The following SLC16A1 variants were observed in gnomAD, a reference collection of about 807,000 sequenced individuals.
SLC16A1 encodes the protein solute carrier family 16 member 1, also known as monocarboxylate transporter 1.
SLC16A1 carries 11 observed loss-of-function variants against 32.2 expected under a neutral mutation model. That is an observed-to-expected ratio of 0.34 (90% CI 0.21 to 0.56). SLC16A1 has a LOEUF of 0.56. Among genes scored for constraint, SLC16A1 ranks in the 20% least tolerant of loss-of-function variants. The probability of loss-of-function intolerance (pLI) is 0.87; values close to 1 mark genes in which losing one functional copy is unlikely to be tolerated. For synonymous variants in SLC16A1, 231 were observed against 226.8 expected (o/e 1.02, Z -0.17); for missense variants, 435 against 615.0 (o/e 0.71, Z 3.10).
intron 1 of SLC16A1, among the ~76,000 whole-genome samples, chr1:112,950,778 C>T (rs1313654680): frequency 6.6e-6 from 1 of 152,178 alleles, no homozygotes; most frequent in Non-Finnish European, 1.5e-5. Context: ...AGGAGGATGG[C>T]TTGGGGCCAG....
intron 1 of SLC16A1, among the ~76,000 whole-genome samples, chr1:112,933,222 C>A (rs1649196427): frequency 6.6e-6 from 1 of 152,092 alleles, no homozygotes; most frequent in Admixed American, 6.5e-5. Flanking sequence ...GTAATCCCAG[C>A]ACTTTGGGAG....
chr1:112,928,163 C>T (rs2101632546), intron 2 of SLC16A1, among the ~76,000 whole-genome samples: 1 of 152,292 alleles, frequency 6.6e-6, no homozygotes, highest in Non-Finnish European at 1.5e-5. Context: ...TCTTCCTAAT[C>T]CTGTTCCCAG....
At chr1:112,947,217 G>A (rs1190779329) in intron 1 of SLC16A1, among the ~76,000 whole-genome samples, 1 of 152,138 alleles carries the variant, frequency 6.6e-6, no homozygotes, top group Admixed American at 6.5e-5. Context: ...TCAACAAATC[G>A]ATATCTAAGT....
At chr1:112,919,555 AAAATTCGTCAGTG>A (rs1648643227) in intron 3 of SLC16A1, among the ~76,000 whole-genome samples, 1 of 152,224 alleles carries the variant, frequency 6.6e-6, no homozygotes, top group African/African-American at 2.4e-5. Context: ...GGAACCAGTA[AAAATTCGTCAGTG>A]AAAGTGCAGA....
intron 1 of SLC16A1, among the ~76,000 whole-genome samples, chr1:112,951,683 T>C (rs1428202728): frequency 6.6e-6 from 1 of 152,192 alleles, no homozygotes; most frequent in African/African-American, 2.4e-5. Context: ...ATTTTAAATA[T>C]TCTAAATACT....
At chr1:112,919,034 T>TATTTATTC (rs1648618895) in intron 3 of SLC16A1, among the ~76,000 whole-genome samples, 1 of 151,070 alleles carries the variant, frequency 6.6e-6, no homozygotes. Context: ...TTTATTTATT[T>TATTTATTC]ATTTATTTAT....
rs183414641 is a variant in SLC16A1, at chr1:112,922,197, G to A, written c.218-64C>T. ...TGCTCCCTCACATCTACACAAGTAT[G>A]AATGACAATGAATGACAAATCCTCC... On this transcript the variant is annotated intron_variant, in intron 2 of 4. Coordinates refer to ENST00000369626, the MANE Select transcript of SLC16A1 (RefSeq NM_003051.4). The A allele has an allele frequency of 1.3e-4, 178 of 1,384,388 alleles. 3 individuals carry two copies. In the East Asian group the frequency reaches 3.9e-3, roughly 30 times the overall value. The allele number at this position is 1,384,388 out of a possible 1,614,324, so 85.8% of individuals were successfully genotyped here. A position where few individuals can be genotyped will look rare whatever the true frequency, so the allele number is the denominator to read the frequency against.
intron 3 of SLC16A1, among the ~76,000 whole-genome samples, chr1:112,920,935 C>T (rs985114960): frequency 2.0e-5 from 3 of 151,648 alleles, no homozygotes; most frequent in Non-Finnish European, 4.4e-5. Context: ...GTCAGGAGAT[C>T]GACTATACTG....
At chr1:112,923,400 C>T (rs1276729512) in intron 2 of SLC16A1, 13 of 629,978 alleles carry the variant, frequency 2.1e-5, no homozygotes, top group Non-Finnish European at 2.3e-5. Flanking sequence ...CCCGGGCTGT[C>T]GCAGTCTCCT....
intron 1 of SLC16A1, among the ~76,000 whole-genome samples, chr1:112,939,180 C>T (rs1037145276): frequency 1.3e-5 from 2 of 152,074 alleles, no homozygotes; most frequent in Non-Finnish European, 2.9e-5. Flanking sequence ...CGTGAGCCAC[C>T]GTGCCCGGCC....
intron 1 of SLC16A1, among the ~76,000 whole-genome samples, chr1:112,947,334 TTA>T: frequency 6.6e-6 from 1 of 152,336 alleles, no homozygotes; most frequent in African/African-American, 2.4e-5. Context: ...ATTATATCAT[TTA>T]TGTTACTTTG....
At chr1:112,951,246 T>C (rs909762552) in intron 1 of SLC16A1, among the ~76,000 whole-genome samples, 22 of 151,032 alleles carry the variant, frequency 1.5e-4, no homozygotes, top group Non-Finnish European at 1.5e-5. Flanking sequence ...AAGTGGGGGG[T>C]TGGACGAGAA....
intron 1 of SLC16A1, among the ~76,000 whole-genome samples, chr1:112,946,806 G>A (rs1649718134): frequency 6.6e-6 from 1 of 152,190 alleles, no homozygotes; most frequent in South Asian, 2.1e-4. Flanking sequence ...ACCCAACTCA[G>A]CCTCCCAAAG....
intron 2 of SLC16A1, chr1:112,923,528 C>T: frequency 9.3e-7 from 1 of 1,073,540 alleles, no homozygotes; most frequent in Non-Finnish European, 1.5e-6. Flanking sequence ...CCTTCGTGTA[C>T]AGCGACAGCC....
At chr1:112,921,228 A>G (rs1648722825) in intron 3 of SLC16A1, among the ~76,000 whole-genome samples, 1 of 152,218 alleles carries the variant, frequency 6.6e-6, no homozygotes, top group South Asian at 2.1e-4. Context: ...TTTTTTAAAA[A>G]AGGCAATATC....
Position 112,923,704 on chromosome 1 carries a change from C to T in SLC16A1, c.218-1571G>A. The T allele has an allele frequency of 4.6e-6, 7 of 1,537,694 alleles. No individual in the cohort carries two copies. In the South Asian group the frequency reaches 5.6e-5, roughly 12 times the overall value. On this transcript the variant is annotated intron_variant, in intron 2 of 4. Transcript: ENST00000369626. Reference sequence around the variant, plus strand: ...TACCTGCTCAGGCCAGACCACAGCACCCCGGTGGAAGAGACACTGAGTGCC... The same window carrying T: ...TACCTGCTCAGGCCAGACCACAGCATCCCGGTGGAAGAGACACTGAGTGCC...
intron 1 of SLC16A1, among the ~76,000 whole-genome samples, chr1:112,936,770 A>C (rs2101640972): frequency 6.6e-6 from 1 of 152,338 alleles, no homozygotes; most frequent in South Asian, 2.1e-4. Flanking sequence ...GAGATCAGGC[A>C]TCCATTCTCA....
At chr1:112,924,075 G>A in intron 2 of SLC16A1, 7 of 1,293,650 alleles carry the variant, frequency 5.4e-6, no homozygotes, top group East Asian at 4.6e-5. Context: ...GCACCACTTC[G>A]ATGGCATTGC....
chr1:112,929,442 G>C, intron 1 of SLC16A1, 90 bp from the exon 2 acceptor site: 1 of 759,882 alleles, frequency 1.3e-6, no homozygotes, highest in South Asian at 1.6e-5. Context: ...AATCGTGGTG[G>C]ATCATGCCTA....
Sources: gnomAD v4.1 joint callset for allele counts (sites outside exome capture counted in the v4.1 genomes callset) on GRCh38, gnomAD v4.1.1 for gene constraint, MANE v1.5 for transcripts, NCBI Gene and HGNC (gene_info 2026-07-23, HGNC 2026-07-21) for gene names.